Variants in TBC1D2 observed in about 807,000 individuals in gnomAD.
TBC1D2 encodes TBC1 domain family member 2A.
Under a neutral mutation model 91.1 loss-of-function variants are expected in TBC1D2, and 58 were observed. The ratio of observed to expected loss-of-function variants is 0.64; its 90% CI spans 0.52 to 0.79. The LOEUF (loss-of-function observed/expected upper bound fraction) is 0.79. TBC1D2 is among the 30% of genes least tolerant of loss of function. The probability of loss-of-function intolerance (pLI) is 0.00; values close to 1 mark genes in which losing one functional copy is unlikely to be tolerated. For synonymous variants in TBC1D2, 482 were observed against 511.5 expected (o/e 0.94, Z 0.78); for missense variants, 1,080 against 1,208.3 (o/e 0.89, Z 1.57).
chr9:98,243,776 A>G (rs2131281768), intron 3 of TBC1D2, among the ~76,000 whole-genome samples: 1 of 152,272 alleles, frequency 6.6e-6, no homozygotes, highest in South Asian at 2.1e-4. Context: ...ACCTCCAGTG[A>G]TCCGCCCACC....
chr9:98,242,415 C>T (rs574092602), intron 3 of TBC1D2, among the ~76,000 whole-genome samples: 67 of 145,682 alleles, frequency 4.6e-4, no homozygotes, highest in African/African-American at 1.4e-3. Flanking sequence ...CTCTCCAGCC[C>T]GGGCAACAGT....
At chr9:98,240,096 T>C (rs1341997256) in intron 3 of TBC1D2, among the ~76,000 whole-genome samples, 4 of 152,202 alleles carry the variant, frequency 2.6e-5, no homozygotes. Flanking sequence ...TTGTCAACTT[T>C]GTTGCTCTTT....
intron 2 of TBC1D2, among the ~76,000 whole-genome samples, chr9:98,251,460 G>T (rs1038720794): frequency 7.2e-5 from 11 of 152,144 alleles, no homozygotes; most frequent in African/African-American, 2.7e-4. Context: ...CCATGTGCAG[G>T]CATTGTTCTA....
At chr9:98,254,869 T>C (rs1432451592) in intron 1 of TBC1D2, among the ~76,000 whole-genome samples, 1 of 152,198 alleles carries the variant, frequency 6.6e-6, no homozygotes, top group Non-Finnish European at 1.5e-5. Context: ...GATTCAGCAC[T>C]GAGAGGTAGA....
At chr9:98,235,428 T>A (rs889641166) in intron 3 of TBC1D2, 13 of 484,722 alleles carry the variant, frequency 2.7e-5, no homozygotes, top group Admixed American at 7.2e-5. Flanking sequence ...ATGCCTTGGA[T>A]GAGAAACAGC....
In TBC1D2 at chr9:98,199,495, A is replaced by T; in HGVS notation, c.2673T>A (p.Ala891=). The change falls in exon 13 of 13, where the codon GCT becomes GCA. Residue 891 remains alanine, a synonymous_variant. Coordinates refer to ENST00000465784, the MANE Select transcript of TBC1D2 (RefSeq NM_001267571.2). ...LRMVHRERLE[A]ELRELEQLKA... ...TAAGCTGCTCCAGCTCCCGCAGCTC[A>T]GCCTCCAGCCGCTCCCGGTGGACCA... The T allele has an allele frequency of 6.2e-7, 1 of 1,613,944 alleles. No individual in the cohort carries two copies. Among genetic ancestry groups the T allele is most frequent in the Non-Finnish European group, 8.5e-7 (1 of 1,180,000 alleles).
intron 3 of TBC1D2, among the ~76,000 whole-genome samples, chr9:98,239,536 G>C (rs952009247): frequency 6.6e-6 from 1 of 152,174 alleles, no homozygotes; most frequent in African/African-American, 2.4e-5. Context: ...CTTTATCGTG[G>C]ATTAATCCTT....
chr9:98,221,162 A>G lies in TBC1D2; in HGVS notation c.1045T>C (p.Tyr349His). The G allele has an allele frequency of 6.4e-7, 1 of 1,570,890 alleles. No individual in the cohort carries two copies. The highest frequency in any genetic ancestry group is 8.6e-7 in the Non-Finnish European group (1 of 1,158,490). ...TCCTTGTCCTCAGCCGCCGCCAGGT[A>G]TGCGCTGGACGCCCGCTTCTCCTGC... Reference protein sequence around the residue: ...AQQEKRASSAYLAAAEDKDRL... With the variant: ...AQQEKRASSAHLAAAEDKDRL... Residue 349 changes from tyrosine to histidine, a missense_variant, in exon 6 of 13, where the codon TAC (tyrosine) becomes CAC (histidine). Transcript: ENST00000465784.
chr9:98,201,463 C>A lies in TBC1D2; in HGVS notation c.2457+16G>T. 1 of 1,609,360 alleles carries A rather than the reference C, an allele frequency of 6.2e-7. No homozygotes were observed. The highest frequency in any genetic ancestry group is 8.5e-7 in the Non-Finnish European group (1 of 1,176,622). On this transcript the variant is annotated intron_variant, in intron 11 of 12. Coordinates refer to ENST00000465784, the MANE Select transcript of TBC1D2 (RefSeq NM_001267571.2). ...TTGCTCAGGGGCCCCCTGCCCATCC[C>A]CTGGCTGCACCCTACCTTCGTCCCC...
chr9:98,202,002 G>A (rs1385919325), intron 10 of TBC1D2, among the ~76,000 whole-genome samples: 1 of 152,188 alleles, frequency 6.6e-6, no homozygotes, highest in African/African-American at 2.4e-5. Context: ...TGATCCTGCT[G>A]GCAGTTCAGA....
chr9:98,207,901 C>T (rs935827384), intron 9 of TBC1D2, among the ~76,000 whole-genome samples: 5 of 152,170 alleles, frequency 3.3e-5, no homozygotes, highest in African/African-American at 1.2e-4. Context: ...ACAGCAGCTG[C>T]CTTGGCTTCC....
chr9:98,230,885 C>T (rs1829351426), intron 4 of TBC1D2, among the ~76,000 whole-genome samples: 1 of 152,184 alleles, frequency 6.6e-6, no homozygotes, highest in Non-Finnish European at 1.5e-5. Flanking sequence ...TGACTCAAAA[C>T]AAACGAACAA....
chr9:98,255,648 G>A lies in TBC1D2; in HGVS notation c.-107C>T. Reference sequence around the variant, plus strand: ...CCCAAAGGGAGACACCTGGGCGGGGGCGGGGCCGACGGCGAACCCGCCCCC... The same window carrying A: ...CCCAAAGGGAGACACCTGGGCGGGGACGGGGCCGACGGCGAACCCGCCCCC... On this transcript the variant is annotated 5_prime_UTR_variant, in exon 1 of 13. Transcript: ENST00000465784. The A allele has an allele frequency of 2.2e-6, 3 of 1,342,180 alleles. No individual in the cohort carries two copies. Among genetic ancestry groups the A allele is most frequent in the African/African-American group, 1.5e-5 (1 of 66,724 alleles). 83.1% of individuals were successfully genotyped at this position (1,342,180 alleles called of 1,614,324 possible). A position where few individuals can be genotyped will look rare whatever the true frequency, so the allele number is the denominator to read the frequency against.
chr9:98,218,332 C>T (rs369053718), intron 6 of TBC1D2, among the ~76,000 whole-genome samples: 9 of 152,000 alleles, frequency 5.9e-5, no homozygotes, highest in South Asian at 4.2e-4. Flanking sequence ...TTTGGGAGGC[C>T]GAGGCAGGCA....
rs754582382 is a variant in TBC1D2 at position 98,201,595 on chromosome 9, G to C, written c.2341C>G (p.His781Asp). The C allele has an allele frequency of 9.9e-6, 16 of 1,614,004 alleles. No individual in the cohort carries two copies. The South Asian group carries it at 1.8e-4, about 18-fold the overall frequency. The stretch of plus-strand genomic sequence containing the variant: ...GTGACGAGGGAGAGATCCACGTGGT[G>C]CTGCCCCAGATGGGCCATCAGCCTG... ...LPRLMAHLGQ[H>D]HVDLSLVTFN... Residue 781 changes from histidine to aspartate, a missense_variant, in exon 11 of 13, where the codon CAC becomes GAC. By Grantham distance (81) the His-to-Asp change is moderately conservative. Coordinates refer to ENST00000465784, the MANE Select transcript of TBC1D2 (RefSeq NM_001267571.2).
rs1491043939 is a variant in TBC1D2 at position 98,220,907 on chromosome 9, CAG to C, written c.1298_1299del (p.Pro433ArgfsTer27). On this transcript the variant is annotated frameshift_variant, in exon 6 of 13. Coordinates refer to ENST00000465784, the MANE Select transcript of TBC1D2 (RefSeq NM_001267571.2). LOFTEE classifies it high-confidence loss of function. ...EKVTQDFTHP[P>X]DQSPLRPDAA... The stretch of plus-strand genomic sequence containing the variant: ...GCGTCGGGGCGCAAAGGAGACTGGT[CAG>C]GGGGGTGCGTGAAGTCCTGGGTGAC... 6.2e-7 allele frequency: 1 copy of C among 1,614,028 alleles called. No individual in the cohort carries two copies. Among genetic ancestry groups the C allele is most frequent in the Non-Finnish European group, 8.5e-7 (1 of 1,180,018 alleles).
intron 4 of TBC1D2, among the ~76,000 whole-genome samples, chr9:98,229,416 G>C (rs574162747): frequency 3.9e-4 from 59 of 152,350 alleles, no homozygotes; most frequent in African/African-American, 1.3e-3. Flanking sequence ...TGGCCCATCT[G>C]CTAAACTGTG....
chr9:98,202,017 C>T (rs551931038), intron 10 of TBC1D2, among the ~76,000 whole-genome samples: 2 of 152,212 alleles, frequency 1.3e-5, no homozygotes, highest in Non-Finnish European at 2.9e-5. Context: ...TTCAGAGACA[C>T]TGGTCTCATG....
chr9:98,239,855 G>A (rs1027005106), intron 3 of TBC1D2, among the ~76,000 whole-genome samples: 1 of 152,082 alleles, frequency 6.6e-6, no homozygotes, highest in Non-Finnish European at 1.5e-5. Context: ...CAATCTCTAC[G>A]ATGTAATTAG....
Sources: allele counts gnomAD v4.1 joint callset (sites outside exome capture counted in the v4.1 genomes callset), GRCh38; gene constraint gnomAD v4.1.1; transcripts MANE v1.5; gene names NCBI Gene and HGNC (gene_info 2026-07-23, HGNC 2026-07-21).